The following MYO1F variants were observed in gnomAD, a reference collection of about 807,000 sequenced individuals.
MYO1F encodes unconventional myosin-If.
MYO1F carries 60 observed loss-of-function variants against 146.6 expected under a neutral mutation model. The ratio of observed to expected loss-of-function variants is 0.41; its 90% CI spans 0.33 to 0.51. The LOEUF is 0.51. MYO1F is among the 20% of genes least tolerant of loss of function. MYO1F has a pLI of 0.25. For synonymous variants in MYO1F, 602 were observed against 602.1 expected (o/e 1.00, Z 0.00); for missense variants, 1,274 against 1,534.3 (o/e 0.83, Z 2.83).
intron 1 of MYO1F, among the ~76,000 whole-genome samples, chr19:8,565,750 G>A (rs2041990743): frequency 6.6e-6 from 1 of 151,498 alleles, no homozygotes; most frequent in Non-Finnish European, 1.5e-5. Flanking sequence ...AGAGCTTAAG[G>A]GTGGAGATTG....
intron 12 of MYO1F, 101 bp downstream of exon 12, chr19:8,547,935 G>T: frequency 8.8e-7 from 1 of 1,140,720 alleles, no homozygotes; most frequent in Non-Finnish European, 1.3e-6. Flanking sequence ...GGAACGCGGT[G>T]GGGAGGGCTG....
rs764494302 is a variant in MYO1F, at chr19:8,544,426, G to A, written c.1395C>T (p.Cys465=). The change falls in exon 14 of 28, where the codon TGC becomes TGT. Residue 465 remains cysteine, a synonymous_variant. Transcript: ENST00000644032. The stretch of plus-strand genomic sequence containing the variant: ...CCCCGCCCGTGGCGTGCATGGTGGC[G>A]CACACGTCGTCCAAGACGCTCATGA... ...PGIMSVLDDV[C]ATMHATGGGA... 48 of 1,612,214 alleles carry A rather than the reference G, an allele frequency of 3.0e-5. 1 individual carries two copies. Among genetic ancestry groups the A allele is most frequent in the South Asian group, 2.5e-4 (23 of 91,064 alleles).
At chr19:8,525,828 C>T (rs1347141054) in intron 24 of MYO1F, among the ~76,000 whole-genome samples, 1 of 152,208 alleles carries the variant, frequency 6.6e-6, no homozygotes, top group African/African-American at 2.4e-5. Flanking sequence ...GCCGCTCTGG[C>T]CGCACCCCTC....
rs544506974 is a variant in MYO1F at position 8,521,253 on chromosome 19, T to C, written c.*275A>G. On this transcript the variant is annotated 3_prime_UTR_variant, in exon 28 of 28. Coordinates refer to ENST00000644032, the MANE Select transcript of MYO1F (RefSeq NM_012335.4). ...GACCCATTTCTTAATCACATGGCAGTTGGGAGGTAGATTCTGCTGTTAGTC... is the reference window on the plus strand; with the variant it reads ...GACCCATTTCTTAATCACATGGCAGCTGGGAGGTAGATTCTGCTGTTAGTC... 1 of 498,238 alleles carries C rather than the reference T, an allele frequency of 2.0e-6. No homozygotes were observed. Among genetic ancestry groups the C allele is most frequent in the African/African-American group, 1.9e-5 (1 of 51,526 alleles). 30.9% of individuals were successfully genotyped at this position (498,238 alleles called of 1,614,324 possible). A position where few individuals can be genotyped will look rare whatever the true frequency, so the allele number is the denominator to read the frequency against.
chr19:8,574,591 CTCTCTCTTTCTTTCTTTCTTTCTTTCTT>C (rs1481094591), intron 1 of MYO1F, among the ~76,000 whole-genome samples: 54 of 84,102 alleles, frequency 6.4e-4, no homozygotes, highest in African/African-American at 2.4e-3. Context: ...CTCTCTCTCT[CTCTCTCTTTCTTTCTTTCTTTCTTTCTT>C]TCTTTCTTTC....
At chr19:8,539,434 CA>C (rs907669398) in intron 16 of MYO1F, among the ~76,000 whole-genome samples, 2 of 150,184 alleles carry the variant, frequency 1.3e-5, no homozygotes, top group African/African-American at 2.5e-5. Flanking sequence ...ACCAAACCAA[CA>C]AAAAAACAAA....
intron 25 of MYO1F, among the ~76,000 whole-genome samples, chr19:8,523,276 G>A (rs946934294): frequency 2.6e-5 from 4 of 151,968 alleles, no homozygotes; most frequent in Non-Finnish European, 4.4e-5. Flanking sequence ...CTTGTGATCC[G>A]CCCGCCTTGG....
chr19:8,550,330 C>G lies in MYO1F; in HGVS notation c.931G>C (p.Gly311Arg). The G allele has an allele frequency of 6.2e-7, 1 of 1,613,492 alleles. No homozygotes were observed. The highest frequency in any genetic ancestry group is 1.1e-5 in the South Asian group (1 of 90,976). Residue 311 changes from glycine (G) to arginine (R), a missense_variant, in exon 10 of 28, where the codon GGC (glycine) becomes CGC (arginine). This residue lies in a region of MYO1F where 900 missense variants were observed against 1,155.1 expected (regional missense o/e 0.78). Transcript: ENST00000644032. ...TCCTGCAGTCGCCCGCTGTCAATGC[C>G]CAGCAGGTAGGCGGGAAAGGCCAGG... is the stretch of plus-strand genomic sequence containing the variant. ...DLLAFPAYLL[G>R]IDSGRLQEKL...
Position 8,577,167 on chromosome 19 carries a change from A to G in MYO1F, c.3+140T>C. The G allele has an allele frequency of 3.0e-6, 3 of 1,001,730 alleles. No individual in the cohort carries two copies. The highest frequency in any genetic ancestry group is 2.6e-5 in the East Asian group (1 of 38,312). 62.1% of individuals were successfully genotyped at this position (1,001,730 alleles called of 1,614,324 possible). A position where few individuals can be genotyped will look rare whatever the true frequency, so the allele number is the denominator to read the frequency against. On this transcript the variant is annotated intron_variant, in intron 1 of 27. Coordinates refer to ENST00000644032, the MANE Select transcript of MYO1F (RefSeq NM_012335.4). The surrounding 1 kb of genome is among the most constrained non-coding windows in gnomAD (Gnocchi z 4.3). ...GGGATGCTGGAGGCACCTGAGCTGCACTGAGAGACACCCCACCCCCACAGA... is the reference window on the plus strand; with the variant it reads ...GGGATGCTGGAGGCACCTGAGCTGCGCTGAGAGACACCCCACCCCCACAGA...
intron 9 of MYO1F, 89 bp downstream of exon 9, chr19:8,550,473 G>A: frequency 6.2e-7 from 1 of 1,609,698 alleles, no homozygotes; most frequent in East Asian, 2.2e-5. Flanking sequence ...TTTCCTCGTG[G>A]GCTTTCAGCT....
chr19:8,536,479 G>C lies in MYO1F; in HGVS notation c.1898+20C>G, dbSNP rs368622600. ...TTCTGATGAAGGGGATGGCGAGGGCGGGGGTGGAGGGCTCCTCACCTCTGC... is the reference window on the plus strand; with the variant it reads ...TTCTGATGAAGGGGATGGCGAGGGCCGGGGTGGAGGGCTCCTCACCTCTGC... On this transcript the variant is annotated intron_variant, in intron 18 of 27. Coordinates refer to ENST00000644032, the MANE Select transcript of MYO1F (RefSeq NM_012335.4). 2 of 1,611,750 alleles carry C rather than the reference G, an allele frequency of 1.2e-6. No homozygotes were observed. The highest frequency in any genetic ancestry group is 2.2e-5 in the East Asian group (1 of 44,760).
At position 8,522,615 on chromosome 19, in the gene MYO1F, G is replaced by A. The variant is rs1178117805; in HGVS notation, c.3050+19C>T. The A allele has an allele frequency of 6.2e-7, 1 of 1,611,064 alleles. No homozygotes were observed. Among genetic ancestry groups the A allele is most frequent in the Non-Finnish European group, 8.5e-7 (1 of 1,178,924 alleles). ...TACCCCCTGCCCACCTCCTGGAGCT[G>A]CCCTCCCACCCCACCTACCCGGCCA... is the stretch of plus-strand genomic sequence containing the variant. On this transcript the variant is annotated intron_variant, in intron 26 of 27. Transcript: ENST00000644032.
At chr19:8,553,117 A>T in intron 6 of MYO1F, 22 bp downstream of exon 6, 1 of 1,610,510 alleles carries the variant, frequency 6.2e-7, no homozygotes, top group South Asian at 1.1e-5. Flanking sequence ...CAGCTGCTCC[A>T]AGCAGGTCTG....
Position 8,530,385 on chromosome 19 carries a change from A to C in MYO1F, c.2159-20T>G. The C allele has an allele frequency of 6.2e-7, 1 of 1,614,018 alleles. No homozygotes were observed. The highest frequency in any genetic ancestry group is 1.6e-4 in the Middle Eastern group (1 of 6,062). ...TGGAAGCTGCGGGGACAGAGGGTGGAGGGCAGAGCTCCTGATACAGCTCCT... is the reference window on the plus strand; with the variant it reads ...TGGAAGCTGCGGGGACAGAGGGTGGCGGGCAGAGCTCCTGATACAGCTCCT... On this transcript the variant is annotated intron_variant, in intron 20 of 27. Coordinates refer to ENST00000644032, the MANE Select transcript of MYO1F (RefSeq NM_012335.4). This position sits in a 1 kb window ranked among gnomAD's most constrained non-coding sequence, Gnocchi z 5.8.
At position 8,552,032 on chromosome 19, in the gene MYO1F, C is replaced by T. The variant is rs1301911277; in HGVS notation, c.636+1G>A. ...CCTCTCCCCCGGCCCCTTCCCTGCACCTGGTAGTAGATGTGGAAGTTCCTC... is the reference window on the plus strand; with the variant it reads ...CCTCTCCCCCGGCCCCTTCCCTGCATCTGGTAGTAGATGTGGAAGTTCCTC... On this transcript the variant is annotated splice_donor_variant, in intron 7 of 27. Coordinates refer to ENST00000644032, the MANE Select transcript of MYO1F (RefSeq NM_012335.4). LOFTEE classifies it high-confidence loss of function. The T allele has an allele frequency of 6.2e-7, 1 of 1,614,000 alleles. No homozygotes were observed. Among genetic ancestry groups the T allele is most frequent in the South Asian group, 1.1e-5 (1 of 91,078 alleles).
chr19:8,536,473 G>C (rs115875216), intron 18 of MYO1F, 26 bp downstream of exon 18: 1 of 1,610,846 alleles, frequency 6.2e-7, no homozygotes, highest in East Asian at 2.2e-5. Context: ...AGGGGATGGC[G>C]AGGGCGGGGG....
At chr19:8,523,095 G>T (rs1024908548) in intron 25 of MYO1F, among the ~76,000 whole-genome samples, 2 of 150,302 alleles carry the variant, frequency 1.3e-5, no homozygotes, top group South Asian at 4.2e-4. Flanking sequence ...GCAGTGGCGC[G>T]ATCTCGGCTC....
intron 12 of MYO1F, 50 bp downstream of exon 12, chr19:8,547,986 A>ACCCCCCCCCCCCCCCCAGATCCCCCCCC: frequency 1.2e-6 from 1 of 837,532 alleles, no homozygotes. Context: ...TGGTCCTTCC[A>ACCCCCCCCCCCCCCCCAGATCCCCCCCC]CCCCACCCCC....
Position 8,530,349 on chromosome 19 carries a change from C to T in MYO1F, c.2175G>A (p.Leu725=). ...TGTTGCGCCTCCGCTCCTTCTTGTT[C>T]AGCAGGATGTTGGAAGCTGCGGGGA... ...EMREEASNIL[L]NKKERRRNSI... The change falls in exon 21 of 28, where the codon CTG becomes CTA. Residue 725 remains leucine (L), a synonymous_variant. Transcript: ENST00000644032. This position sits in a 1 kb window ranked among gnomAD's most constrained non-coding sequence, Gnocchi z 5.8. The T allele has an allele frequency of 1.2e-6, 2 of 1,614,188 alleles. No homozygotes were observed. Among genetic ancestry groups the T allele is most frequent in the Non-Finnish European group, 1.7e-6 (2 of 1,180,034 alleles).
Sources: allele counts gnomAD v4.1 joint callset (sites outside exome capture counted in the v4.1 genomes callset), GRCh38; gene constraint gnomAD v4.1.1; regional missense constraint gnomAD v4.1.1; non-coding constraint Gnocchi (gnomAD v3.1); transcripts MANE v1.5; gene names NCBI Gene and HGNC (gene_info 2026-07-23, HGNC 2026-07-21).